The following FANCA variants were observed in gnomAD, a reference collection of about 807,000 sequenced individuals.
FANCA encodes FA complementation group A.
A neutral mutation model predicts 194.3 loss-of-function variants in FANCA; 236 were observed. The observed-to-expected ratio is 1.21, with a 90% CI of 1.09 to 1.35. The LOEUF is 1.35. FANCA is among the 40% of genes most tolerant of loss of function. FANCA has a pLI of 0.00. For missense variants in FANCA, 2,628 were observed against 1,813.9 expected (o/e 1.45, Z -8.15); for synonymous variants, 1,014 against 715.8 (o/e 1.42, Z -6.65).
intron 17 of FANCA, among the ~76,000 whole-genome samples, chr16:89,782,618 C>T (rs994555926): frequency 1.3e-5 from 2 of 152,156 alleles, no homozygotes; most frequent in African/African-American, 2.4e-5. Flanking sequence ...GGACAAATGT[C>T]CTGCAGCCTG....
intron 21 of FANCA, 109 bp downstream of exon 21, chr16:89,775,632 TG>T: frequency 1.2e-6 from 1 of 864,338 alleles, no homozygotes; most frequent in East Asian, 2.7e-5. Context: ...CGGCTTGAGC[TG>T]GCACAGCCAC....
At chr16:89,749,190 G>A (rs980971358) in intron 32 of FANCA, among the ~76,000 whole-genome samples, 8 of 152,038 alleles carry the variant, frequency 5.3e-5, no homozygotes, top group African/African-American at 1.7e-4. Flanking sequence ...CTTCTGCGAC[G>A]TCCCTCCACG....
At chr16:89,796,568 G>A (rs1395246325) in intron 10 of FANCA, among the ~76,000 whole-genome samples, 1 of 152,188 alleles carries the variant, frequency 6.6e-6, no homozygotes, top group African/African-American at 2.4e-5. Flanking sequence ...TTCTGGGGGT[G>A]AATGGGGTCA....
intron 3 of FANCA, among the ~76,000 whole-genome samples, chr16:89,813,454 CAG>C (rs531975363): frequency 1.1e-3 from 160 of 151,410 alleles, no homozygotes; most frequent in South Asian, 4.6e-3. Context: ...TGTTCTGAGA[CAG>C]AGTTTTGCTC....
At chr16:89,777,744 T>C (rs1402246422) in intron 20 of FANCA, among the ~76,000 whole-genome samples, 1 of 152,102 alleles carries the variant, frequency 6.6e-6, no homozygotes, top group Non-Finnish European at 1.5e-5. Context: ...ACCTTATTAT[T>C]CTAAACAATA....
chr16:89,783,326 A>C (rs976133125), intron 15 of FANCA, among the ~76,000 whole-genome samples: 8 of 151,890 alleles, frequency 5.3e-5, no homozygotes, highest in Admixed American at 1.3e-4. Context: ...TGAGGCGGGC[A>C]GATCACGAGG....
intron 6 of FANCA, among the ~76,000 whole-genome samples, 167 bp from the exon 7 acceptor site, chr16:89,805,559 A>T (rs903713185): frequency 6.6e-6 from 1 of 151,996 alleles, no homozygotes; most frequent in African/African-American, 2.4e-5. Flanking sequence ...CCCAGGCTCA[A>T]GCAATCCTTC....
At chr16:89,743,828 A>C (rs974236308) in intron 36 of FANCA, among the ~76,000 whole-genome samples, 2 of 152,134 alleles carry the variant, frequency 1.3e-5, no homozygotes, top group Non-Finnish European at 2.9e-5. Flanking sequence ...TGTCTCAAAC[A>C]AAACAAAACA....
intron 10 of FANCA, among the ~76,000 whole-genome samples, chr16:89,797,646 G>A (rs979600708): frequency 6.6e-6 from 1 of 152,174 alleles, no homozygotes; most frequent in Non-Finnish European, 1.5e-5. Flanking sequence ...GGGAGGCTGA[G>A]GTGGGTGTTA....
At chr16:89,756,082 T>G (rs2038758678) in intron 30 of FANCA, among the ~76,000 whole-genome samples, 2 of 152,152 alleles carry the variant, frequency 1.3e-5, no homozygotes, top group Non-Finnish European at 2.9e-5. Flanking sequence ...AAAACACAGT[T>G]TAAAAAAAAG....
At chr16:89,739,930 A>G (rs762430138) in intron 39 of FANCA, 64 bp downstream of exon 39, 4 of 1,605,686 alleles carry the variant, frequency 2.5e-6, no homozygotes, top group Admixed American at 3.4e-5. Flanking sequence ...GTTCTTAACC[A>G]TTTGCAAGAT....
chr16:89,796,824 T>C (rs1015721573), intron 10 of FANCA, among the ~76,000 whole-genome samples: 1 of 151,686 alleles, frequency 6.6e-6, no homozygotes. Flanking sequence ...AGATCAAGAC[T>C]ACCCTGGCTA....
Position 89,760,634 on chromosome 16 carries a change from G to A in FANCA, c.2852+1315C>T, listed in dbSNP as rs542483917. ...TCTGGGCTCCCTACTCCTATGCCCA[G>A]AACAGCACATCTGGCCTCTCAAATA... On this transcript the variant is annotated intron_variant, in intron 29 of 42. Coordinates refer to ENST00000389301, the MANE Select transcript of FANCA (RefSeq NM_000135.4). Among the ~76,000 whole-genome samples, 3 of 152,278 alleles carry A rather than the reference G, an allele frequency of 2.0e-5. No homozygotes were observed. The East Asian group carries it at 5.8e-4, about 29-fold the overall frequency.
chr16:89,770,684 C>G, intron 23 of FANCA, 50 bp from the exon 24 acceptor site: 1 of 1,512,652 alleles, frequency 6.6e-7, no homozygotes, highest in Non-Finnish European at 9.0e-7. Flanking sequence ...ACGGGAGCAG[C>G]AGGAAGGAAG....
At chr16:89,809,830 G>A (rs1282407764) in intron 5 of FANCA, among the ~76,000 whole-genome samples, 56 of 150,836 alleles carry the variant, frequency 3.7e-4, no homozygotes, top group African/African-American at 2.9e-4. Flanking sequence ...TCCAGCCTGG[G>A]CAACAAGAGC....
At chr16:89,752,299 G>A (rs983748003) in intron 30 of FANCA, 77 bp from the exon 31 acceptor site, 16 of 1,147,194 alleles carry the variant, frequency 1.4e-5, no homozygotes, top group African/African-American at 6.1e-5. Flanking sequence ...TCCTGCCTCC[G>A]GAGCTGAGTG....
intron 8 of FANCA, 145 bp downstream of exon 8, chr16:89,803,114 A>G: frequency 1.2e-6 from 1 of 804,184 alleles, no homozygotes; most frequent in Non-Finnish European, 2.2e-6. Flanking sequence ...TGATCATTAC[A>G]CTCTATGCAC....
At chr16:89,815,782 C>T in intron 2 of FANCA, 95 bp downstream of exon 2, 1 of 1,049,724 alleles carries the variant, frequency 9.5e-7, no homozygotes, top group Admixed American at 1.7e-5. Context: ...CCGCGCCCGC[C>T]GCCTCGGGTG....
At chr16:89,752,617 C>A (rs1056807582) in intron 30 of FANCA, among the ~76,000 whole-genome samples, 17 of 152,040 alleles carry the variant, frequency 1.1e-4, no homozygotes, top group African/African-American at 3.9e-4. Context: ...CTTTTTATTC[C>A]AATATTATGA....
Sources: allele counts gnomAD v4.1 joint callset (sites outside exome capture counted in the v4.1 genomes callset), GRCh38; gene constraint gnomAD v4.1.1; transcripts MANE v1.5; gene names NCBI Gene and HGNC (gene_info 2026-07-23, HGNC 2026-07-21).